Variants in RBMS1 observed in about 807,000 individuals in gnomAD.
RBMS1 encodes the protein RNA-binding motif, single-stranded-interacting protein 1.
RBMS1 carries 17 observed loss-of-function variants against 62.3 expected under a neutral mutation model. That is an observed-to-expected ratio of 0.27 (90% confidence interval 0.19 to 0.41). The LOEUF (loss-of-function observed/expected upper bound fraction) is 0.41, where lower values mean the gene tolerates loss of function less well. Among genes scored for constraint, RBMS1 ranks in the 10% least tolerant of loss-of-function variants. The pLI, the probability that RBMS1 is intolerant of heterozygous loss-of-function variation, is 1.00. For synonymous variants in RBMS1, 172 were observed against 170.0 expected (o/e 1.01, Z -0.09); for missense variants, 334 against 504.5 (o/e 0.66, Z 3.24).
At chr2:160,349,382 T>G (rs1385994535) in intron 2 of RBMS1, among the ~76,000 whole-genome samples, 2 of 152,118 alleles carry the variant, frequency 1.3e-5, no homozygotes, top group Non-Finnish European at 2.9e-5. Context: ...GAAATACACA[T>G]AACAATAAAT....
intron 1 of RBMS1, among the ~76,000 whole-genome samples, chr2:160,422,329 T>A (rs1696467355): frequency 6.6e-6 from 1 of 152,118 alleles, no homozygotes; most frequent in African/African-American, 2.4e-5. Flanking sequence ...CAAGAAAACC[T>A]ACACATCCAC....
At chr2:160,346,063 T>G (rs1245221014) in intron 2 of RBMS1, among the ~76,000 whole-genome samples, 1 of 152,156 alleles carries the variant, frequency 6.6e-6, no homozygotes, top group East Asian at 1.9e-4. Context: ...CCCCAAATCT[T>G]GGAAGCCTTC....
chr2:160,444,095 G>A (rs1001671998), intron 1 of RBMS1, among the ~76,000 whole-genome samples: 3 of 152,260 alleles, frequency 2.0e-5, no homozygotes, highest in African/African-American at 7.2e-5. Context: ...ACAGTAATAA[G>A]GTCTACAACA....
At position 160,389,433 on chromosome 2, in the gene RBMS1, C is replaced by T. The variant is rs1694742719; in HGVS notation, c.76-22042G>A. On this transcript the variant is annotated intron_variant, in intron 1 of 13. Transcript: ENST00000348849. The stretch of plus-strand genomic sequence containing the variant: ...ACTCAGCAGGATGGGCGTGGTGGCT[C>T]ATGCCTGTAATGCCAGCACTTCGGG... 3.9e-5 allele frequency among the ~76,000 whole-genome samples: 6 copies of T among 152,286 alleles called. No individual in the cohort carries two copies. The South Asian group carries it at 1.2e-3, about 32-fold the overall frequency.
At chr2:160,408,048 T>TCGGGGCCGGAGC (rs1159626086) in intron 1 of RBMS1, among the ~76,000 whole-genome samples, 2 of 147,604 alleles carry the variant, frequency 1.4e-5, no homozygotes, top group Non-Finnish European at 3.0e-5. Context: ...CCTCCCGGGA[T>TCGGGGCCGGAGC]CGGGGCCGGA....
chr2:160,339,675 T>G (rs1691762667), intron 2 of RBMS1, among the ~76,000 whole-genome samples: 1 of 151,072 alleles, frequency 6.6e-6, no homozygotes, highest in African/African-American at 2.4e-5. Flanking sequence ...CATCTTTACA[T>G]ACGTGTGTGT....
chr2:160,350,612 G>A (rs1283357577), intron 2 of RBMS1, among the ~76,000 whole-genome samples: 1 of 152,130 alleles, frequency 6.6e-6, no homozygotes, highest in Non-Finnish European at 1.5e-5. Flanking sequence ...ATGATGAACT[G>A]CTTCCAGAAG....
At chr2:160,327,714 T>C (rs1691027566) in intron 2 of RBMS1, among the ~76,000 whole-genome samples, 1 of 152,068 alleles carries the variant, frequency 6.6e-6, no homozygotes, top group African/African-American at 2.4e-5. Flanking sequence ...AAATTAGTGC[T>C]CCCGAGTACT....
chr2:160,311,239 T>TCTATATATCTATATATATATATAG (rs1453087759), intron 4 of RBMS1, among the ~76,000 whole-genome samples: 6 of 131,684 alleles, frequency 4.6e-5, no homozygotes, highest in African/African-American at 8.2e-5. Flanking sequence ...TATCTATATA[T>TCTATATATCTATATATATATATAG]ATATATATAT....
rs972190461 is a variant in RBMS1 at position 160,306,336 on chromosome 2, C to A, written c.403-2849G>T. 8.5e-5 allele frequency among the ~76,000 whole-genome samples: 13 copies of A among 152,192 alleles called. No individual in the cohort carries two copies. In the South Asian group the frequency reaches 2.5e-3, roughly 29 times the overall value. Reference sequence around the variant, plus strand: ...TTACACATGCTTTAAAGTCTTGATTCAACTTGAAAGTTTACCGATGAGGAA... The same window carrying A: ...TTACACATGCTTTAAAGTCTTGATTAAACTTGAAAGTTTACCGATGAGGAA... On this transcript the variant is annotated intron_variant, in intron 4 of 13. Transcript: ENST00000348849.
chr2:160,459,080 C>T (rs1684363310), intron 1 of RBMS1, among the ~76,000 whole-genome samples: 1 of 152,202 alleles, frequency 6.6e-6, no homozygotes, highest in Non-Finnish European at 1.5e-5. Flanking sequence ...ACAGTCTAAT[C>T]ATTTTTTGTG....
chr2:160,289,589 G>C (rs777605271), intron 6 of RBMS1, among the ~76,000 whole-genome samples: 19 of 152,174 alleles, frequency 1.2e-4, no homozygotes, highest in Non-Finnish European at 2.8e-4. Context: ...TGGGGATACA[G>C]TGGTAGATAA....
chr2:160,339,536 C>T (rs1419001747), intron 2 of RBMS1, among the ~76,000 whole-genome samples: 1 of 152,036 alleles, frequency 6.6e-6, no homozygotes, highest in Non-Finnish European at 1.5e-5. Flanking sequence ...TAATTTTTGC[C>T]ACGGTGCCAG....
intron 1 of RBMS1, among the ~76,000 whole-genome samples, chr2:160,383,963 C>T (rs1559480591): frequency 6.6e-6 from 1 of 152,100 alleles, no homozygotes; most frequent in Non-Finnish European, 1.5e-5. Context: ...TTTGGGAGAC[C>T]GAGGCAGGCA....
At chr2:160,391,968 A>C (rs1339234953) in intron 1 of RBMS1, among the ~76,000 whole-genome samples, 1 of 152,222 alleles carries the variant, frequency 6.6e-6, no homozygotes, top group Non-Finnish European at 1.5e-5. Flanking sequence ...TCCAAAAAAA[A>C]AAACCAAATT....
At chr2:160,482,683 T>G (rs1459311706) in intron 1 of RBMS1, among the ~76,000 whole-genome samples, 1 of 152,218 alleles carries the variant, frequency 6.6e-6, no homozygotes, top group Non-Finnish European at 1.5e-5. Flanking sequence ...ATTTAAAATA[T>G]CTGGCTTCTT....
intron 2 of RBMS1, among the ~76,000 whole-genome samples, chr2:160,342,371 C>T (rs1023060512): frequency 6.6e-6 from 1 of 152,114 alleles, no homozygotes; most frequent in East Asian, 1.9e-4. Flanking sequence ...ACAGTCAAGT[C>T]TCCTCTTAAG....
At chr2:160,486,942 T>C (rs1433136740) in intron 1 of RBMS1, among the ~76,000 whole-genome samples, 2 of 152,204 alleles carry the variant, frequency 1.3e-5, no homozygotes, top group South Asian at 4.1e-4. Context: ...GTATAACCAC[T>C]ATGCCATCAT....
chr2:160,281,472 G>A (rs1265121000), intron 9 of RBMS1, 108 bp from the exon 10 acceptor site: 1 of 874,780 alleles, frequency 1.1e-6, no homozygotes, highest in South Asian at 1.8e-5. Flanking sequence ...AGAAAACAAG[G>A]AAACAATACT....
Sources: allele counts gnomAD v4.1 joint callset (sites outside exome capture counted in the v4.1 genomes callset), GRCh38; gene constraint gnomAD v4.1.1; transcripts MANE v1.5; gene names NCBI Gene and HGNC (gene_info 2026-07-23, HGNC 2026-07-21).